The following GRIN2D variants were observed in gnomAD, a reference collection of about 807,000 sequenced individuals.
The protein encoded by GRIN2D is glutamate receptor ionotropic, NMDA 2D.
Under a neutral mutation model 103.2 loss-of-function variants are expected in GRIN2D, and 37 were observed. The ratio of observed to expected loss-of-function variants is 0.36; its 90% CI spans 0.28 to 0.47. The LOEUF (loss-of-function observed/expected upper bound fraction) is 0.47, where lower values mean the gene tolerates loss of function less well. GRIN2D is among the 20% of genes least tolerant of loss of function. The probability of loss-of-function intolerance (pLI) is 1.00; values close to 1 mark genes in which losing one functional copy is unlikely to be tolerated. For missense variants in GRIN2D, 1,557 were observed against 1,910.6 expected (o/e 0.81, Z 3.45); for synonymous variants, 845 against 885.6 (o/e 0.95, Z 0.81).
intron 11 of GRIN2D, among the ~76,000 whole-genome samples, chr19:48,441,550 A>C (rs1971291793): frequency 6.6e-6 from 1 of 152,132 alleles, no homozygotes; most frequent in African/African-American, 2.4e-5. Context: ...CTGTCTCTTA[A>C]ACAACATACT....
intron 11 of GRIN2D, among the ~76,000 whole-genome samples, chr19:48,426,224 C>CTTTTTTTTTTTTTTTTTTTTTTTTTTTT (rs369360320): frequency 1.7e-5 from 2 of 120,118 alleles, no homozygotes; most frequent in African/African-American, 7.2e-5. Flanking sequence ...TTCTTTCTTT[C>CTTTTTTTTTTTTTTTTTTTTTTTTTTTT]TTTTTTTTTT....
chr19:48,404,639 A>G, intron 3 of GRIN2D, 95 bp from the exon 4 acceptor site: 1 of 1,246,506 alleles, frequency 8.0e-7, no homozygotes, highest in South Asian at 1.5e-5. Flanking sequence ...CTGTCGAGTC[A>G]GTCTGCCATA....
rs58654942 is a variant in GRIN2D at position 48,408,819 on chromosome 19, TAA to T, written c.1085+3480_1085+3481del. ...TCAGTGACAGAGCAAGACTCTGTCTTAAAAAAAAAAAAAAAGAGAGAAAGAAA... is the reference window on the plus strand; with the variant it reads ...TCAGTGACAGAGCAAGACTCTGTCTTAAAAAAAAAAAAAGAGAGAAAGAAA... On this transcript the variant is annotated intron_variant, in intron 4 of 13. Coordinates refer to ENST00000263269, the MANE Select transcript of GRIN2D (RefSeq NM_000836.4). Among the ~76,000 whole-genome samples the T allele has an allele frequency of 7.4e-3, 1,041 of 141,186 alleles. 11 individuals are homozygous for T. Among genetic ancestry groups the T allele is most frequent in the African/African-American group, 0.023 (898 of 38,272 alleles). 92.6% of individuals were successfully genotyped at this position (141,186 alleles called of 152,430 possible). A position where few individuals can be genotyped will look rare whatever the true frequency, so the allele number is the denominator to read the frequency against.
intron 11 of GRIN2D, among the ~76,000 whole-genome samples, chr19:48,433,319 C>T (rs1021038374): frequency 6.6e-6 from 1 of 151,666 alleles, no homozygotes; most frequent in Non-Finnish European, 1.5e-5. Flanking sequence ...GAGCTGAGAC[C>T]AGCACATTGC....
chr19:48,403,681 A>C (rs1246171821), intron 3 of GRIN2D, among the ~76,000 whole-genome samples: 1 of 152,164 alleles, frequency 6.6e-6, no homozygotes, highest in African/African-American at 2.4e-5. Flanking sequence ...GGAAGAGGTG[A>C]CAGAGAGGTA....
chr19:48,396,950 T>A (rs907585457), intron 2 of GRIN2D, among the ~76,000 whole-genome samples: 1 of 152,058 alleles, frequency 6.6e-6, no homozygotes, highest in Non-Finnish European at 1.5e-5. Context: ...AGTGCCCTCC[T>A]CCCTCAGTCC....
intron 8 of GRIN2D, among the ~76,000 whole-genome samples, chr19:48,417,453 C>CA (rs1040120087): frequency 2.0e-5 from 3 of 152,282 alleles, no homozygotes; most frequent in African/African-American, 7.2e-5. Context: ...GAGAAGCGTA[C>CA]ATCGGCCAAG....
chr19:48,404,453 G>T (rs957570182), intron 3 of GRIN2D, among the ~76,000 whole-genome samples: 1 of 151,918 alleles, frequency 6.6e-6, no homozygotes. Flanking sequence ...AGATCATGCC[G>T]CTGCTCACCG....
At chr19:48,435,975 G>A (rs1351545160) in intron 11 of GRIN2D, among the ~76,000 whole-genome samples, 2 of 152,198 alleles carry the variant, frequency 1.3e-5, no homozygotes, top group African/African-American at 2.4e-5. Flanking sequence ...AAACTGGGGC[G>A]GGAGACTGGA....
In GRIN2D at chr19:48,414,883, C is replaced by G. The variant is rs1970924402; in HGVS notation, c.1432C>G (p.Arg478Gly). Residue 478 changes from arginine to glycine, a missense_variant, in exon 7 of 14, where the codon CGC becomes GGC. By Grantham distance (125) the Arg-to-Gly change is moderately radical. Transcript: ENST00000263269. This position sits in a 1 kb window ranked among gnomAD's most constrained non-coding sequence, Gnocchi z 4.6. ...CCGCAGCCCTCCACCGGATGCCCCC[C>G]GCCCGGAAAAGCGCTGCTGCAAGGG... is the stretch of plus-strand genomic sequence containing the variant. ...RTHSPPPDAP[R>G]PEKRCCKGFC... is the part of the protein sequence containing the mutation. 1 of 1,614,040 alleles carries G rather than the reference C, an allele frequency of 6.2e-7. No individual in the cohort carries two copies. Among genetic ancestry groups the G allele is most frequent in the African/African-American group, 1.3e-5 (1 of 74,920 alleles).
intron 3 of GRIN2D, among the ~76,000 whole-genome samples, chr19:48,402,764 A>ATGAGAGAG (rs1241558996): frequency 1.5e-4 from 9 of 60,154 alleles, no homozygotes; most frequent in Admixed American, 5.2e-4. Context: ...TTACTCCTTT[A>ATGAGAGAG]CGAGAGAGAG....
intron 3 of GRIN2D, 132 bp downstream of exon 3, chr19:48,398,989 AGGTGGGCCCAGAT>A: frequency 2.3e-6 from 2 of 863,014 alleles, no homozygotes; most frequent in Non-Finnish European, 3.2e-6. Context: ...GTCTGGGACA[AGGTGGGCCCAGAT>A]GGTAGGCAGG....
At chr19:48,402,685 C>T (rs1970731157) in intron 3 of GRIN2D, among the ~76,000 whole-genome samples, 1 of 140,648 alleles carries the variant, frequency 7.1e-6, no homozygotes, top group African/African-American at 2.7e-5. Context: ...CCACTGCGGT[C>T]CGCAGTCCGG....
intron 11 of GRIN2D, among the ~76,000 whole-genome samples, chr19:48,434,124 A>AT (rs748492538): frequency 5.4e-4 from 82 of 150,744 alleles, no homozygotes; most frequent in Non-Finnish European, 9.8e-4. Context: ...AATTTTTTGT[A>AT]TTTTTTTAGT....
chr19:48,413,682 AGACCAGCCTGG>A, intron 4 of GRIN2D, among the ~76,000 whole-genome samples: 1 of 150,198 alleles, frequency 6.7e-6, no homozygotes, highest in Non-Finnish European at 1.5e-5. Flanking sequence ...AAAAAAAAAA[AGACCAGCCTGG>A]GAAAAATAGT....
At chr19:48,435,242 G>A (rs548924530) in intron 11 of GRIN2D, among the ~76,000 whole-genome samples, 39 of 150,324 alleles carry the variant, frequency 2.6e-4, no homozygotes, top group African/African-American at 7.8e-4. Context: ...AAAAGCTGCC[G>A]TCTTCCTCTG....
chr19:48,412,230 G>A, intron 4 of GRIN2D, among the ~76,000 whole-genome samples: 1 of 151,860 alleles, frequency 6.6e-6, no homozygotes, highest in East Asian at 1.9e-4. Flanking sequence ...TTGTGAGGCT[G>A]AGGCAGGAGA....
intron 8 of GRIN2D, among the ~76,000 whole-genome samples, chr19:48,417,779 C>CGCA (rs1970965162): frequency 6.6e-6 from 1 of 152,172 alleles, no homozygotes; most frequent in Non-Finnish European, 1.5e-5. Flanking sequence ...GGGTGCTGAC[C>CGCA]TTGCTGTGAC....
intron 2 of GRIN2D, among the ~76,000 whole-genome samples, chr19:48,395,554 G>C (rs777245371): frequency 2.0e-5 from 3 of 152,006 alleles, no homozygotes; most frequent in South Asian, 4.2e-4. Context: ...AGCACAACTC[G>C]AGGTTGTGGG....
Sources: allele counts gnomAD v4.1 joint callset (sites outside exome capture counted in the v4.1 genomes callset), GRCh38; gene constraint gnomAD v4.1.1; non-coding constraint Gnocchi (gnomAD v3.1); transcripts MANE v1.5; gene names NCBI Gene and HGNC (gene_info 2026-07-23, HGNC 2026-07-21).